Variants in NCMAP observed in about 807,000 individuals in gnomAD.
NCMAP encodes noncompact myelin-associated protein.
In NCMAP, 8 loss-of-function variants were observed where a neutral mutation model predicts 7.8. The observed-to-expected ratio is 1.02, with a 90% CI of 0.60 to 1.84. NCMAP has a LOEUF of 1.84. Ranked by LOEUF, NCMAP falls within the 40% of genes most tolerant of loss-of-function variation. The pLI is 0.00. For synonymous variants in NCMAP, 41 were observed against 52.9 expected (o/e 0.78, Z 0.98); for missense variants, 112 against 131.4 (o/e 0.85, Z 0.72).
chr1:24,579,101 G>T (rs1258101833), intron 1 of NCMAP, among the ~76,000 whole-genome samples: 5 of 152,070 alleles, frequency 3.3e-5, no homozygotes, highest in African/African-American at 1.2e-4. Flanking sequence ...CCTGGTCCCT[G>T]GAATCCCTGC....
intron 1 of NCMAP, among the ~76,000 whole-genome samples, chr1:24,559,392 G>A (rs1650986434): frequency 6.6e-6 from 1 of 152,186 alleles, no homozygotes; most frequent in Non-Finnish European, 1.5e-5. Flanking sequence ...AGGTGGGCAG[G>A]AGGCGGCAGG....
chr1:24,593,625 A>G (rs1652118057), intron 1 of NCMAP, among the ~76,000 whole-genome samples: 1 of 152,228 alleles, frequency 6.6e-6, no homozygotes, highest in South Asian at 2.1e-4. Flanking sequence ...TTAAAAAGAA[A>G]ATAAATTTAT....
chr1:24,577,963 T>TA (rs554072276), intron 1 of NCMAP, among the ~76,000 whole-genome samples: 127 of 151,920 alleles, frequency 8.4e-4, no homozygotes, highest in African/African-American at 2.9e-3. Context: ...AAAAGAGGTC[T>TA]AAAAAATGTA....
chr1:24,607,079 T>G lies in NCMAP; in HGVS notation c.*1332T>G, dbSNP rs1018272234. 1.3e-5 allele frequency: 2 copies of G among 151,844 alleles called. No individual in the cohort carries two copies. Among genetic ancestry groups the G allele is most frequent in the Admixed American group, 6.6e-5 (1 of 15,234 alleles). The allele number at this position is 151,844 out of a possible 1,614,324, so 9.4% of individuals were successfully genotyped here. A position where few individuals can be genotyped will look rare whatever the true frequency, so the allele number is the denominator to read the frequency against. ...GCACGCTCACAGCTCGCTGCAGCCTTGAACTCCTGGGCTCAAGGGATGCTC... is the reference window on the plus strand; with the variant it reads ...GCACGCTCACAGCTCGCTGCAGCCTGGAACTCCTGGGCTCAAGGGATGCTC... On this transcript the variant is annotated 3_prime_UTR_variant, in exon 4 of 4. Coordinates refer to ENST00000374392, the MANE Select transcript of NCMAP (RefSeq NM_001010980.5).
intron 1 of NCMAP, among the ~76,000 whole-genome samples, chr1:24,568,656 G>T (rs1023279153): frequency 2.6e-5 from 4 of 152,148 alleles, no homozygotes; most frequent in African/African-American, 9.7e-5. Context: ...GGAGATGAAG[G>T]CACAGAGAGG....
chr1:24,597,667 G>GAAAGAAAGA (rs1553157455), intron 2 of NCMAP, among the ~76,000 whole-genome samples: 15 of 132,744 alleles, frequency 1.1e-4, no homozygotes, highest in African/African-American at 4.1e-4. Context: ...AAGAAAGAAA[G>GAAAGAAAGA]AAAGAAAAGA....
intron 1 of NCMAP, among the ~76,000 whole-genome samples, chr1:24,584,893 G>A (rs898901301): frequency 6.9e-6 from 1 of 144,868 alleles, no homozygotes; most frequent in Non-Finnish European, 1.5e-5. Flanking sequence ...CTATGCACAG[G>A]GTGGGCATTG....
intron 1 of NCMAP, among the ~76,000 whole-genome samples, chr1:24,567,968 C>T (rs1029095111): frequency 3.3e-5 from 5 of 151,932 alleles, no homozygotes; most frequent in South Asian, 2.1e-4. Context: ...GAGAATCGAC[C>T]GAGGGTTCCG....
chr1:24,596,784 A>G (rs1652243985), intron 2 of NCMAP, among the ~76,000 whole-genome samples: 1 of 152,242 alleles, frequency 6.6e-6, no homozygotes, highest in Admixed American at 6.5e-5. Context: ...AAATGAATGT[A>G]GGCGGGAAGA....
chr1:24,602,259 G>A lies in NCMAP; in HGVS notation c.167+1235G>A, dbSNP rs1199342187. Reference sequence around the variant, plus strand: ...GCATTGTTAGTTTTTGCTGGGAGGGGGATGTTCCTAATTTTTGAGGAATGG... The same window carrying A: ...GCATTGTTAGTTTTTGCTGGGAGGGAGATGTTCCTAATTTTTGAGGAATGG... On this transcript the variant is annotated intron_variant, in intron 3 of 3. Coordinates refer to ENST00000374392, the MANE Select transcript of NCMAP (RefSeq NM_001010980.5). Among the ~76,000 whole-genome samples the A allele has an allele frequency of 2.6e-5, 4 of 151,994 alleles. No homozygotes were observed. In the East Asian group the frequency reaches 5.8e-4, roughly 22 times the overall value.
intron 1 of NCMAP, among the ~76,000 whole-genome samples, chr1:24,563,381 C>T (rs12074185): frequency 0.13 from 19,002 of 151,988 alleles, 1,725 homozygotes; most frequent in African/African-American, 0.26. Flanking sequence ...ATTAGCTGGG[C>T]GTGGTGGTGC....
At chr1:24,591,557 C>T (rs567457954) in intron 1 of NCMAP, among the ~76,000 whole-genome samples, 3 of 152,340 alleles carry the variant, frequency 2.0e-5, no homozygotes, top group East Asian at 1.9e-4. Flanking sequence ...CATGAGTCAC[C>T]GTGCCTGGCC....
chr1:24,584,072 G>A (rs1651812980), intron 1 of NCMAP, among the ~76,000 whole-genome samples: 1 of 152,158 alleles, frequency 6.6e-6, no homozygotes, highest in Non-Finnish European at 1.5e-5. Context: ...AGAATATCGA[G>A]GTGGCATTAT....
intron 3 of NCMAP, among the ~76,000 whole-genome samples, chr1:24,603,937 C>T (rs1032123531): frequency 9.2e-5 from 14 of 152,140 alleles, no homozygotes; most frequent in Admixed American, 8.5e-4. Context: ...TTATTTCTTG[C>T]GGTTCTGGAG....
At chr1:24,590,171 A>G (rs1184047224) in intron 1 of NCMAP, among the ~76,000 whole-genome samples, 2 of 152,176 alleles carry the variant, frequency 1.3e-5, no homozygotes, top group Non-Finnish European at 2.9e-5. Context: ...CTTATCTTAC[A>G]TGGCATTTTG....
intron 1 of NCMAP, among the ~76,000 whole-genome samples, chr1:24,593,673 C>T (rs964029004): frequency 1.1e-4 from 16 of 152,014 alleles, no homozygotes; most frequent in Non-Finnish European, 2.1e-4. Context: ...TCTCTTTCTC[C>T]AGTAGATGGC....
chr1:24,573,449 G>A (rs985501802), intron 1 of NCMAP, among the ~76,000 whole-genome samples: 41 of 150,596 alleles, frequency 2.7e-4, no homozygotes, highest in Admixed American at 1.1e-3. Flanking sequence ...TCAGTCAGGC[G>A]TGGCAGTGTG....
intron 2 of NCMAP, among the ~76,000 whole-genome samples, chr1:24,597,035 A>G (rs950501336): frequency 1.3e-5 from 2 of 152,136 alleles, no homozygotes; most frequent in African/African-American, 2.4e-5. Context: ...TCTTCCATGA[A>G]GAGTCAGAAG....
rs6424107 is a variant in NCMAP at position 24,571,998 on chromosome 1, C to T, written c.-8+15829C>T. Among the ~76,000 whole-genome samples, 251 of 150,822 alleles carry T rather than the reference C, an allele frequency of 1.7e-3. 1 individual carries two copies. Among genetic ancestry groups the T allele is most frequent in the Admixed American group, 3.3e-3 (50 of 15,266 alleles). ...TTGTAACTCACAGCAGCCACATTTCCGAGGCTCAAATAGCCATGCGTGGCC... is the reference window on the plus strand; with the variant it reads ...TTGTAACTCACAGCAGCCACATTTCTGAGGCTCAAATAGCCATGCGTGGCC... On this transcript the variant is annotated intron_variant, in intron 1 of 3. Transcript: ENST00000374392.
Sources: gnomAD v4.1 joint callset for allele counts (sites outside exome capture counted in the v4.1 genomes callset) on GRCh38, gnomAD v4.1.1 for gene constraint, MANE v1.5 for transcripts, NCBI Gene and HGNC (gene_info 2026-07-23, HGNC 2026-07-21) for gene names.